PLEKHS1: variants seen among roughly 807,000 people sequenced by gnomAD.
PLEKHS1 encodes pleckstrin homology domain containing S1, also known as pleckstrin homology domain-containing family S member 1.
PLEKHS1 carries 55 observed loss-of-function variants against 51.0 expected under a neutral mutation model. The observed-to-expected ratio is 1.08, with a 90% CI of 0.87 to 1.35. The LOEUF (loss-of-function observed/expected upper bound fraction) is 1.35. Among genes scored for constraint, PLEKHS1 ranks in the 40% most tolerant of loss-of-function variants. The probability of loss-of-function intolerance (pLI) is 0.00; values close to 1 mark genes in which losing one functional copy is unlikely to be tolerated. For missense variants in PLEKHS1, 398 were observed against 423.0 expected (o/e 0.94, Z 0.52); for synonymous variants, 153 against 144.8 (o/e 1.06, Z -0.41).
intron 2 of PLEKHS1, among the ~76,000 whole-genome samples, chr10:113,762,616 G>A (rs1271469834): frequency 6.6e-6 from 1 of 151,358 alleles, no homozygotes; most frequent in African/African-American, 2.4e-5. Flanking sequence ...TTTATTTCAG[G>A]ATCTTTTAAG....
intron 8 of PLEKHS1, 127 bp downstream of exon 8, chr10:113,772,216 A>G (rs926788398): frequency 5.0e-6 from 5 of 997,074 alleles, no homozygotes; most frequent in Middle Eastern, 2.1e-4. Flanking sequence ...AATACAGATG[A>G]CGTGCTCATG....
intron 2 of PLEKHS1, chr10:113,765,147 CTTG>C (rs1463750215): frequency 4.3e-5 from 18 of 414,410 alleles, no homozygotes; most frequent in Admixed American, 8.0e-5. Flanking sequence ...CAAATTTTAC[CTTG>C]TTGTTTCCTG....
chr10:113,769,715 A>C, intron 6 of PLEKHS1, 69 bp from the exon 7 acceptor site: 13 of 946,678 alleles, frequency 1.4e-5, no homozygotes, highest in East Asian at 2.4e-5. Flanking sequence ...GGAGCCCGGT[A>C]GAGAGGCTGC....
intron 11 of PLEKHS1, chr10:113,777,503 G>A (rs926028385): frequency 6.4e-7 from 1 of 1,569,722 alleles, no homozygotes; most frequent in East Asian, 2.3e-5. Context: ...AGATCGGCAT[G>A]ATGTAGCAAA....
chr10:113,770,960 G>A lies in PLEKHS1; in HGVS notation c.553-1010G>A, dbSNP rs141326249. Reference sequence around the variant, plus strand: ...CAGCATGATCCGGCTCCATGAGCTTGGAACTTAAAACATGGACAGAACTTA... The same window carrying A: ...CAGCATGATCCGGCTCCATGAGCTTAGAACTTAAAACATGGACAGAACTTA... On this transcript the variant is annotated intron_variant, in intron 7 of 11. Coordinates refer to ENST00000361048, the Ensembl canonical transcript of PLEKHS1. Among the ~76,000 whole-genome samples, 656 of 152,256 alleles carry A rather than the reference G, an allele frequency of 4.3e-3. 5 individuals carry two copies. Among genetic ancestry groups the A allele is most frequent in the African/African-American group, 0.015 (628 of 41,546 alleles).
At position 113,775,928 on chromosome 10, in the gene PLEKHS1, T is replaced by A. The variant is rs1203410000; in HGVS notation, c.1091+62T>A. On this transcript the variant is annotated intron_variant, in intron 11 of 11. Coordinates refer to ENST00000361048, the Ensembl canonical transcript of PLEKHS1. ...GGGCTGGAAGCTTTGAAGAGAACAATTACATCTTGAAACAGTGTATTTGGC... is the reference window on the plus strand; with the variant it reads ...GGGCTGGAAGCTTTGAAGAGAACAAATACATCTTGAAACAGTGTATTTGGC... 4 of 1,273,534 alleles carry A rather than the reference T, an allele frequency of 3.1e-6. No individual in the cohort carries two copies. The Admixed American group carries it at 7.8e-5, about 25-fold the overall frequency. 78.9% of individuals were successfully genotyped at this position (1,273,534 alleles called of 1,614,324 possible). A position where few individuals can be genotyped will look rare whatever the true frequency, so the allele number is the denominator to read the frequency against.
exon 12 of PLEKHS1, chr10:113,780,728 C>T: frequency 6.2e-7 from 1 of 1,604,136 alleles, no homozygotes. Flanking sequence ...GAACAGAGCT[C>T]CCAAGAGGAG....
chr10:113,757,119 T>C (rs1199792616), intron 2 of PLEKHS1, among the ~76,000 whole-genome samples: 4 of 152,150 alleles, frequency 2.6e-5, no homozygotes, highest in Non-Finnish European at 4.4e-5. Context: ...TTCACCATCG[T>C]GGCCAGGCTG....
chr10:113,783,214 A>G (rs975249304), downstream of PLEKHS1: 1 of 150,746 alleles, frequency 6.6e-6, no homozygotes, highest in African/African-American at 2.4e-5. Flanking sequence ...AGCCTGGGCA[A>G]CAAGAGGAAA....
chr10:113,756,327 G>A (rs10885499), intron 2 of PLEKHS1, among the ~76,000 whole-genome samples: 2 of 151,882 alleles, frequency 1.3e-5, no homozygotes, highest in African/African-American at 4.8e-5. Flanking sequence ...TTTGCTGGGC[G>A]TGGTGCGCCT....
chr10:113,756,518 GA>G (rs1302113684), intron 2 of PLEKHS1, among the ~76,000 whole-genome samples: 1 of 152,148 alleles, frequency 6.6e-6, no homozygotes, highest in Admixed American at 6.5e-5. Flanking sequence ...ACTGTGCTGG[GA>G]AATTAAGATT....
chr10:113,777,674 G>A (rs765243265), intron 11 of PLEKHS1: 36 of 1,524,500 alleles, frequency 2.4e-5, no homozygotes, highest in Non-Finnish European at 3.1e-5. Flanking sequence ...AAAGGTGACT[G>A]GCACATATTA....
chr10:113,778,043 A>ATGT lies in PLEKHS1; in HGVS notation c.1091+2182_1091+2184dup, dbSNP rs536355713. 3.1e-4 allele frequency: 66 copies of ATGT among 213,750 alleles called. 1 individual carries two copies. The South Asian group carries it at 5.5e-3, about 18-fold the overall frequency. 13.2% of individuals were successfully genotyped at this position (213,750 alleles called of 1,614,324 possible). A position where few individuals can be genotyped will look rare whatever the true frequency, so the allele number is the denominator to read the frequency against. On this transcript the variant is annotated intron_variant, in intron 11 of 11. Transcript: ENST00000361048. ...AATATTATATGGGTATGCACTAAGT[A>ATGT]TGTTGTTTTTTCAAGGACTAGCTAT...
At chr10:113,759,075 G>C (rs4606440) in intron 2 of PLEKHS1, among the ~76,000 whole-genome samples, 47,345 of 152,000 alleles carry the variant, frequency 0.31, 9,313 homozygotes, top group Admixed American at 0.45. Flanking sequence ...AGGTCTGCCT[G>C]TATTTGATAT....
chr10:113,753,448 C>A (rs907614829), intron 1 of PLEKHS1, among the ~76,000 whole-genome samples: 3 of 152,166 alleles, frequency 2.0e-5, no homozygotes. Context: ...TTCCAGGAAA[C>A]AACAGCCTTC....
At chr10:113,753,824 T>A (rs1005123542) in intron 1 of PLEKHS1, among the ~76,000 whole-genome samples, 1 of 152,132 alleles carries the variant, frequency 6.6e-6, no homozygotes, top group Non-Finnish European at 1.5e-5. Context: ...ATATTTTTTT[T>A]ATTTGAGATG....
intron 8 of PLEKHS1, among the ~76,000 whole-genome samples, chr10:113,773,021 A>C (rs1400785224): frequency 6.6e-6 from 1 of 152,228 alleles, no homozygotes; most frequent in Non-Finnish European, 1.5e-5. Flanking sequence ...GACAGAATGG[A>C]GGGTGGGAAT....
intron 10 of PLEKHS1, 40 bp from the exon 11 acceptor site, chr10:113,775,725 C>G (rs1449049722): frequency 6.3e-6 from 9 of 1,425,932 alleles, no homozygotes; most frequent in Non-Finnish European, 8.8e-6. Context: ...GAGCCAAGGT[C>G]AGTTGCCTGA....
chr10:113,777,097 G>C (rs763279275), intron 11 of PLEKHS1, 27 bp from the exon 12 acceptor site: 2 of 1,610,972 alleles, frequency 1.2e-6, no homozygotes, highest in East Asian at 4.5e-5. Flanking sequence ...CCTCACACTG[G>C]TATTGGATGT....
Sources: allele counts gnomAD v4.1 joint callset (sites outside exome capture counted in the v4.1 genomes callset), GRCh38; gene constraint gnomAD v4.1.1; transcripts MANE v1.5; gene names NCBI Gene and HGNC (gene_info 2026-07-23, HGNC 2026-07-21).